Variants in CNTNAP2 observed in about 807,000 individuals in gnomAD.
The protein encoded by CNTNAP2 is contactin-associated protein-like 2.
In CNTNAP2, 98 loss-of-function variants were observed where a neutral mutation model predicts 155.2. That is an observed-to-expected ratio of 0.63 (90% CI 0.54 to 0.75). The LOEUF (loss-of-function observed/expected upper bound fraction) is 0.75. Ranked by LOEUF, CNTNAP2 falls within the 30% of genes least tolerant of loss-of-function variation. The probability of loss-of-function intolerance (pLI) is 0.00; values close to 1 mark genes in which losing one functional copy is unlikely to be tolerated. For missense variants in CNTNAP2, 1,727 were observed against 1,688.1 expected (o/e 1.02, Z -0.40); for synonymous variants, 651 against 631.2 (o/e 1.03, Z -0.47).
chr7:147,538,799 A>G (rs367639098), intron 11 of CNTNAP2, among the ~76,000 whole-genome samples: 3 of 152,236 alleles, frequency 2.0e-5, no homozygotes, highest in East Asian at 3.9e-4. Context: ...TGAGTATTTT[A>G]ACTTTTTTTC....
chr7:147,553,526 A>T (rs1269346194), intron 11 of CNTNAP2, among the ~76,000 whole-genome samples: 2 of 152,312 alleles, frequency 1.3e-5, no homozygotes, highest in South Asian at 4.1e-4. Context: ...ATAATCTTTT[A>T]TAACATCTAA....
Position 147,033,178 on chromosome 7 carries a change from A to ATG in CNTNAP2, c.403-10728_403-10727insGT, listed in dbSNP as rs1563051541. Among the ~76,000 whole-genome samples the ATG allele has an allele frequency of 8.4e-4, 46 of 54,888 alleles. 1 individual carries two copies. The highest frequency in any genetic ancestry group is 2.3e-4 in the Non-Finnish European group (6 of 25,692). 36.0% of individuals were successfully genotyped at this position (54,888 alleles called of 152,430 possible). On this transcript the variant is annotated intron_variant, in intron 3 of 23. Coordinates refer to ENST00000361727, the MANE Select transcript of CNTNAP2 (RefSeq NM_014141.6). ...TATATATGTATATATATATATATAT[A>ATG]TATATATATATATATATATATATAT...
chr7:148,272,853 A>C (rs1481212439), intron 21 of CNTNAP2, among the ~76,000 whole-genome samples: 1 of 152,222 alleles, frequency 6.6e-6, no homozygotes, highest in African/African-American at 2.4e-5. Context: ...GATAAACACA[A>C]GACCCGTAAA....
chr7:147,543,739 T>C (rs1337926312), intron 11 of CNTNAP2, among the ~76,000 whole-genome samples: 3 of 152,172 alleles, frequency 2.0e-5, no homozygotes, highest in Admixed American at 1.3e-4. Context: ...ACTGTTTGGG[T>C]ATATCCATCT....
intron 21 of CNTNAP2, among the ~76,000 whole-genome samples, chr7:148,351,769 G>GAAAAAAAAAAAAAAAA (rs1798431962): frequency 7.3e-6 from 1 of 136,324 alleles, no homozygotes; most frequent in Non-Finnish European, 1.6e-5. Context: ...AATAGAAACC[G>GAAAAAAAAAAAAAAAA]AGACTCACAG....
chr7:146,477,624 AAC>A (rs1162610079), intron 1 of CNTNAP2, among the ~76,000 whole-genome samples: 31,370 of 131,148 alleles, frequency 0.24, 3,681 homozygotes, highest in Non-Finnish European at 0.31. Flanking sequence ...TTCTTCAGCA[AAC>A]ACACACACAC....
chr7:147,569,372 C>T (rs984781827), intron 12 of CNTNAP2, among the ~76,000 whole-genome samples: 2 of 152,122 alleles, frequency 1.3e-5, no homozygotes, highest in East Asian at 1.9e-4. Context: ...TCCCCCTCCC[C>T]GTGTCCACAA....
intron 1 of CNTNAP2, among the ~76,000 whole-genome samples, chr7:146,728,326 C>T (rs1335639699): frequency 1.3e-5 from 2 of 152,032 alleles, no homozygotes; most frequent in African/African-American, 2.4e-5. Flanking sequence ...GGGGAGGTCA[C>T]GGAAAGCTTG....
chr7:148,312,615 T>A (rs371229600), intron 21 of CNTNAP2, among the ~76,000 whole-genome samples: 2,445 of 152,250 alleles, frequency 0.016, 52 homozygotes, highest in African/African-American at 0.056. Context: ...ACAGGGTGGA[T>A]AGGCAAAACA....
intron 1 of CNTNAP2, among the ~76,000 whole-genome samples, chr7:146,448,392 AT>A (rs34055823): frequency 0.084 from 12,582 of 149,790 alleles, 604 homozygotes; most frequent in African/African-American, 0.11. Context: ...AGAATATAGG[AT>A]TTTTTTTTTA....
intron 13 of CNTNAP2, among the ~76,000 whole-genome samples, chr7:147,855,242 A>G (rs780073178): frequency 6.6e-6 from 1 of 151,782 alleles, no homozygotes; most frequent in Non-Finnish European, 1.5e-5. Flanking sequence ...GAAGGGGGAG[A>G]AGGAGAAAAC....
chr7:146,850,351 T>A (rs1585121684), intron 3 of CNTNAP2, among the ~76,000 whole-genome samples: 2 of 152,294 alleles, frequency 1.3e-5, no homozygotes, highest in South Asian at 4.1e-4. Context: ...TAATTGCAAT[T>A]TAAATGCTTT....
chr7:146,181,007 C>G (rs1798541938), intron 1 of CNTNAP2, among the ~76,000 whole-genome samples: 4 of 152,106 alleles, frequency 2.6e-5, no homozygotes, highest in Admixed American at 2.0e-4. Flanking sequence ...TTTCTTGGCT[C>G]CACTTTTCCC....
chr7:146,536,184 A>G (rs801999), intron 1 of CNTNAP2, among the ~76,000 whole-genome samples: 4,360 of 152,192 alleles, frequency 0.029, 209 homozygotes, highest in African/African-American at 0.099. Flanking sequence ...AAAGGACAGC[A>G]AATTGCACTC....
intron 1 of CNTNAP2, among the ~76,000 whole-genome samples, chr7:146,294,538 T>C (rs571165452): frequency 6.6e-6 from 1 of 152,352 alleles, no homozygotes; most frequent in East Asian, 1.9e-4. Context: ...ATTAATGTAC[T>C]TGTCAGTGTC....
chr7:148,193,145 A>G (rs549618298), intron 18 of CNTNAP2, among the ~76,000 whole-genome samples: 7 of 152,196 alleles, frequency 4.6e-5, no homozygotes, highest in Non-Finnish European at 1.0e-4. Context: ...TTTTTCCTAC[A>G]TGGTTATTTT....
At position 148,324,822 on chromosome 7, in the gene CNTNAP2, G is replaced by T. The variant is rs867028451; in HGVS notation, c.3475+57696G>T. 5.4e-5 allele frequency among the ~76,000 whole-genome samples: 8 copies of T among 148,086 alleles called. No individual in the cohort carries two copies. In the South Asian group the frequency reaches 1.5e-3, roughly 28 times the overall value. On this transcript the variant is annotated intron_variant, in intron 21 of 23. Transcript: ENST00000361727. ...AAAAAAAAAAAGAGTAGGGATTTGG[G>T]TCTGTTTTGTACTATGCTAGATACC...
At chr7:146,319,387 AG>A (rs1372149447) in intron 1 of CNTNAP2, among the ~76,000 whole-genome samples, 3 of 152,200 alleles carry the variant, frequency 2.0e-5, no homozygotes, top group Non-Finnish European at 4.4e-5. Flanking sequence ...CTATCATATT[AG>A]TATAATTTAA....
intron 11 of CNTNAP2, among the ~76,000 whole-genome samples, chr7:147,555,280 C>A (rs1799930841): frequency 6.6e-6 from 1 of 152,124 alleles, no homozygotes; most frequent in Non-Finnish European, 1.5e-5. Flanking sequence ...CAATACCAAC[C>A]CAGATAAGCC....
Sources: gnomAD v4.1 joint callset for allele counts (sites outside exome capture counted in the v4.1 genomes callset) on GRCh38, gnomAD v4.1.1 for gene constraint, MANE v1.5 for transcripts, NCBI Gene and HGNC (gene_info 2026-07-23, HGNC 2026-07-21) for gene names.